The following SKP2 variants were observed in gnomAD, a reference collection of about 807,000 sequenced individuals.
SKP2 encodes S-phase kinase associated protein 2.
SKP2 carries 16 observed loss-of-function variants against 51.8 expected under a neutral mutation model. That is an observed-to-expected ratio of 0.31 (90% confidence interval 0.21 to 0.47). The LOEUF (loss-of-function observed/expected upper bound fraction) is 0.47, where lower values mean the gene tolerates loss of function less well. Ranked by LOEUF, SKP2 falls within the 20% of genes least tolerant of loss-of-function variation. SKP2 has a pLI of 1.00. For synonymous variants in SKP2, 176 were observed against 198.6 expected, an observed-to-expected ratio of 0.89 and a Z score of 0.96; for missense variants, 377 against 505.3, an observed-to-expected ratio of 0.75 and a Z score of 2.43.
chr5:36,168,711 G>A (rs1745374260), intron 5 of SKP2, among the ~76,000 whole-genome samples: 1 of 152,218 alleles, frequency 6.6e-6, no homozygotes, highest in Non-Finnish European at 1.5e-5. Context: ...GGAAGAAAAT[G>A]AATGCTCTAA....
At chr5:36,154,788 G>C (rs564216421) in intron 2 of SKP2, among the ~76,000 whole-genome samples, 27 of 152,270 alleles carry the variant, frequency 1.8e-4, no homozygotes, top group African/African-American at 2.9e-4. Flanking sequence ...CGATCCTCCA[G>C]CCTTGGCCTC....
At chr5:36,190,429 A>G (rs545800969) in intron 6 of SKP2, among the ~76,000 whole-genome samples, 2 of 146,114 alleles carry the variant, frequency 1.4e-5, no homozygotes, top group Non-Finnish European at 3.0e-5. Context: ...TTTGAATTCA[A>G]GTGACAAAGG....
In SKP2 at chr5:36,170,405, G is replaced by T; in HGVS notation, c.733G>T (p.Glu245Ter). Residue 245 changes from glutamate to a stop codon, truncating the protein, a stop_gained, in exon 6 of 10, where the codon GAA (glutamate) becomes TAA (stop). Coordinates refer to ENST00000274255, the MANE Select transcript of SKP2 (RefSeq NM_005983.4). LOFTEE classifies it high-confidence loss of function. The part of the protein sequence containing the change: ...LNLSGCSGFS[E>*]FALQTLLSSC... ...CCTTTCTGGGTGTTCTGGATTCTCT[G>T]AATTTGCCCTGCAGACTTTGCTAAG... The T allele has an allele frequency of 6.2e-7, 1 of 1,613,190 alleles. No individual in the cohort carries two copies. The highest frequency in any genetic ancestry group is 1.1e-5 in the South Asian group (1 of 90,948).
At chr5:36,162,842 C>T (rs1356566467) in intron 2 of SKP2, among the ~76,000 whole-genome samples, 1 of 152,100 alleles carries the variant, frequency 6.6e-6, no homozygotes, top group East Asian at 1.9e-4. Flanking sequence ...GCTGGGGAGG[C>T]CTCAGGAAAC....
rs932243238 is a variant in SKP2, at chr5:36,182,549, A to C, written c.*518A>C. ...TTTTCTAGGAATAGGAAAGAGAAAA[A>C]TGTATTTGAATTTTGCCTTTAGATT... On this transcript the variant is annotated 3_prime_UTR_variant, in exon 10 of 10. Coordinates refer to ENST00000274255, the MANE Select transcript of SKP2 (RefSeq NM_005983.4). 2.1e-5 allele frequency: 21 copies of C among 984,922 alleles called. No individual in the cohort carries two copies. In the Admixed American group the frequency reaches 1.2e-3, roughly 55 times the overall value. The allele number at this position is 984,922 out of a possible 1,614,324, so 61.0% of individuals were successfully genotyped here.
rs1279442461 is a variant in SKP2 at position 36,183,125 on chromosome 5, A to G, written c.*1094A>G. The G allele has an allele frequency of 3.0e-6, 3 of 983,912 alleles. No homozygotes were observed. Among genetic ancestry groups the G allele is most frequent in the Non-Finnish European group, 3.6e-6 (3 of 828,652 alleles). The allele number at this position is 983,912 out of a possible 1,614,324, so 60.9% of individuals were successfully genotyped here. A position where few individuals can be genotyped will look rare whatever the true frequency, so the allele number is the denominator to read the frequency against. Reference sequence around the variant, plus strand: ...AGAAATATACAGTAGAAGCAGGTATATCTTCCATGCAGTTTCAGTAGTAAG... The same window carrying G: ...AGAAATATACAGTAGAAGCAGGTATGTCTTCCATGCAGTTTCAGTAGTAAG... On this transcript the variant is annotated 3_prime_UTR_variant, in exon 10 of 10. Coordinates refer to ENST00000274255, the MANE Select transcript of SKP2 (RefSeq NM_005983.4).
At chr5:36,178,862 C>G (rs942313661) in intron 9 of SKP2, among the ~76,000 whole-genome samples, 5 of 152,080 alleles carry the variant, frequency 3.3e-5, no homozygotes, top group African/African-American at 1.2e-4. Context: ...AGGCTGTGAG[C>G]TCTTCATTTT....
Position 36,182,764 on chromosome 5 carries a change from A to T in SKP2, c.*733A>T. On this transcript the variant is annotated 3_prime_UTR_variant, in exon 10 of 10. Transcript: ENST00000274255. ...TAAGTTACTGTGTTTCCAGAATCTA[A>T]ATTAGATGAGAAATATAATTGTGGT... 1.0e-6 allele frequency: 1 copy of T among 979,706 alleles called. No individual in the cohort carries two copies. Among genetic ancestry groups the T allele is most frequent in the South Asian group, 4.7e-5 (1 of 21,106 alleles). 60.7% of individuals were successfully genotyped at this position (979,706 alleles called of 1,614,324 possible).
intron 4 of SKP2, among the ~76,000 whole-genome samples, chr5:36,168,041 A>G (rs1282165403): frequency 6.6e-6 from 1 of 152,096 alleles, no homozygotes; most frequent in Non-Finnish European, 1.5e-5. Flanking sequence ...CATCCAGCTC[A>G]TTGTTGTGAT....
intron 6 of SKP2, among the ~76,000 whole-genome samples, chr5:36,171,099 C>T (rs536200597): frequency 1.3e-4 from 20 of 152,232 alleles, no homozygotes; most frequent in Admixed American, 7.8e-4. Context: ...TCAGCAGTGC[C>T]AGAAGTGGGG....
At chr5:36,172,649 CT>C (rs1223106624) in intron 7 of SKP2, among the ~76,000 whole-genome samples, 1 of 152,166 alleles carries the variant, frequency 6.6e-6, no homozygotes, top group Non-Finnish European at 1.5e-5. Flanking sequence ...AATCAAACAT[CT>C]GCAGAATAGA....
chr5:36,164,264 T>G (rs186052864), intron 3 of SKP2, among the ~76,000 whole-genome samples: 28 of 152,216 alleles, frequency 1.8e-4, no homozygotes, highest in Non-Finnish European at 2.2e-4. Context: ...AACCACTGGT[T>G]ATGAGGATGA....
intron 2 of SKP2, among the ~76,000 whole-genome samples, chr5:36,156,508 G>T (rs184781946): frequency 2.0e-5 from 3 of 152,322 alleles, no homozygotes; most frequent in African/African-American, 7.2e-5. Context: ...GAAGATGAAA[G>T]CTCTGTGGCC....
In SKP2 at chr5:36,177,227, C is replaced by T; in HGVS notation, c.996C>T (p.Phe332=). Reference sequence around the variant, plus strand: ...AGAATGACTGCTTTCAGGAATTTTTCCAGCTCAACTACCTCCAACACCTAT... The same window carrying T: ...AGAATGACTGCTTTCAGGAATTTTTTCAGCTCAACTACCTCCAACACCTAT... ...MLKNDCFQEF[F]QLNYLQHLSL... Residue 332 remains phenylalanine, a synonymous_variant, in exon 9 of 10, where the codon TTC becomes TTT. Transcript: ENST00000274255. The T allele has an allele frequency of 6.2e-7, 1 of 1,612,180 alleles. No homozygotes were observed. Among genetic ancestry groups the T allele is most frequent in the African/African-American group, 1.3e-5 (1 of 74,952 alleles).
intron 9 of SKP2, 148 bp from the exon 10 acceptor site, chr5:36,181,670 T>C (rs1002530325): frequency 2.6e-6 from 2 of 765,230 alleles, no homozygotes; most frequent in African/African-American, 1.7e-5. Context: ...CCAGTTTAAT[T>C]TGCTATTTTC....
chr5:36,158,956 G>T (rs999246418), intron 2 of SKP2, among the ~76,000 whole-genome samples: 2 of 152,154 alleles, frequency 1.3e-5, no homozygotes, highest in Admixed American at 1.3e-4. Context: ...TCGTTAATTG[G>T]TTAATAAGGG....
chr5:36,164,181 CTGAG>C (rs1369403677), intron 3 of SKP2, among the ~76,000 whole-genome samples: 1 of 152,188 alleles, frequency 6.6e-6, no homozygotes, highest in East Asian at 1.9e-4. Flanking sequence ...TCTGCATGAC[CTGAG>C]TGAGTTAGTT....
chr5:36,181,900 G>T lies in SKP2; in HGVS notation c.1144G>T (p.Ala382Ser), dbSNP rs372002925. The T allele has an allele frequency of 4.7e-5, 76 of 1,613,978 alleles. No homozygotes were observed. Among genetic ancestry groups the T allele is most frequent in the Non-Finnish European group, 6.2e-5 (73 of 1,180,016 alleles). Residue 382 changes from alanine to serine, a missense_variant, in exon 10 of 10, where the codon GCC (alanine) becomes TCC (serine). Transcript: ENST00000274255. ...TGGTACCCTTCAACTGTTAAAGGAAGCCCTTCCTCATCTACAGATTAATTG... is the reference window on the plus strand; with the variant it reads ...TGGTACCCTTCAACTGTTAAAGGAATCCCTTCCTCATCTACAGATTAATTG... ...PDGTLQLLKE[A>S]LPHLQINCSH...
downstream of SKP2, among the ~76,000 whole-genome samples, chr5:36,188,905 A>G (rs2112025479): frequency 6.6e-6 from 1 of 152,128 alleles, no homozygotes; most frequent in South Asian, 2.1e-4. Context: ...ATAGTCCCAT[A>G]TTTCTTGGAG....
Sources: allele counts gnomAD v4.1 joint callset (sites outside exome capture counted in the v4.1 genomes callset), GRCh38; gene constraint gnomAD v4.1.1; transcripts MANE v1.5; gene names NCBI Gene and HGNC (gene_info 2026-07-23, HGNC 2026-07-21).